SEZ6L: variants seen among roughly 807,000 people sequenced by gnomAD.
The protein encoded by SEZ6L is seizure related 6 homolog like.
A neutral mutation model predicts 106.2 loss-of-function variants in SEZ6L; 37 were observed. That is an observed-to-expected ratio of 0.35 (90% CI 0.27 to 0.46). The LOEUF is 0.46. SEZ6L is among the 20% of genes least tolerant of loss of function. SEZ6L has a pLI of 1.00. For synonymous variants in SEZ6L, 541 were observed against 570.4 expected (o/e 0.95, Z 0.73); for missense variants, 1,172 against 1,332.8 (o/e 0.88, Z 1.88).
At chr22:26,268,955 C>G (rs1227014971) in intron 1 of SEZ6L, among the ~76,000 whole-genome samples, 1 of 152,196 alleles carries the variant, frequency 6.6e-6, no homozygotes, top group African/African-American at 2.4e-5. Flanking sequence ...TCTCTCTGAG[C>G]CTCAATTCTT....
At chr22:26,294,093 T>C (rs2081223352) in intron 2 of SEZ6L, among the ~76,000 whole-genome samples, 199 bp from the exon 3 acceptor site, 1 of 152,184 alleles carries the variant, frequency 6.6e-6, no homozygotes, top group African/African-American at 2.4e-5. Context: ...CCTAGCAGGA[T>C]ATAGTAAGTG....
intron 1 of SEZ6L, among the ~76,000 whole-genome samples, chr22:26,189,711 G>A (rs933603309): frequency 2.6e-5 from 4 of 152,092 alleles, no homozygotes; most frequent in African/African-American, 7.2e-5. Context: ...TTGAGCATCC[G>A]TGGATCTTGG....
At chr22:26,340,799 C>T (rs918295043) in intron 10 of SEZ6L, among the ~76,000 whole-genome samples, 167 bp downstream of exon 10, 6 of 152,178 alleles carry the variant, frequency 3.9e-5, no homozygotes, top group Non-Finnish European at 8.8e-5. Flanking sequence ...GTCATGAGGA[C>T]CAGGGTTTGA....
chr22:26,365,271 A>G, intron 12 of SEZ6L, 101 bp from the exon 13 acceptor site: 2 of 938,982 alleles, frequency 2.1e-6, no homozygotes. Flanking sequence ...CAGAGAGAGG[A>G]TGCTGGAGAG....
intron 1 of SEZ6L, among the ~76,000 whole-genome samples, chr22:26,190,630 G>C (rs1444308968): frequency 6.6e-6 from 1 of 152,124 alleles, no homozygotes; most frequent in Non-Finnish European, 1.5e-5. Flanking sequence ...CTTGGTTCAT[G>C]TGCTCATCTT....
intron 1 of SEZ6L, among the ~76,000 whole-genome samples, chr22:26,286,690 G>A (rs1440482510): frequency 6.6e-6 from 1 of 151,254 alleles, no homozygotes; most frequent in African/African-American, 2.4e-5. Flanking sequence ...CCTCTCCCAG[G>A]CATTCTGCTG....
chr22:26,232,858 C>T (rs534110359), intron 1 of SEZ6L, among the ~76,000 whole-genome samples: 12 of 152,220 alleles, frequency 7.9e-5, no homozygotes, highest in East Asian at 1.9e-4. Flanking sequence ...ATCTGTAAAA[C>T]AGGGAGGAAC....
rs1273393682 is a variant in SEZ6L at position 26,253,854 on chromosome 22, G to A, written c.95-38552G>A. On this transcript the variant is annotated intron_variant, in intron 1 of 16. Transcript: ENST00000248933. Reference sequence around the variant, plus strand: ...ATCTTAAAAGGCTCCTGGGACAGGTGATAATGAGGAAAAAAGATTTTATAA... The same window carrying A: ...ATCTTAAAAGGCTCCTGGGACAGGTAATAATGAGGAAAAAAGATTTTATAA... The A allele has an allele frequency of 3.9e-5, 6 of 152,194 alleles. No individual in the cohort carries two copies. The East Asian group carries it at 9.6e-4, about 24-fold the overall frequency. 9.4% of individuals were successfully genotyped at this position (152,194 alleles called of 1,614,324 possible).
In SEZ6L at chr22:26,376,206, G is replaced by GAA. The variant is rs35615266; in HGVS notation, c.2942+527_2942+528dup. 1.5e-3 allele frequency among the ~76,000 whole-genome samples: 224 copies of GAA among 149,150 alleles called. 2 individuals are homozygous for GAA. In the East Asian group the frequency reaches 0.019, roughly 13 times the overall value. ...CTCGGTTCCAGAAACATCATTTGTG[G>GAA]AAAAAAAAAAATAGAAGGAAATATT... is the stretch of plus-strand genomic sequence containing the variant. On this transcript the variant is annotated intron_variant, in intron 15 of 16. Coordinates refer to ENST00000248933, the MANE Select transcript of SEZ6L (RefSeq NM_021115.5).
At chr22:26,201,796 A>G (rs1347862957) in intron 1 of SEZ6L, among the ~76,000 whole-genome samples, 1 of 152,198 alleles carries the variant, frequency 6.6e-6, no homozygotes, top group East Asian at 1.9e-4. Flanking sequence ...ATACCTCCAA[A>G]AACATTTTCA....
At chr22:26,309,878 A>G (rs1166614458) in intron 6 of SEZ6L, among the ~76,000 whole-genome samples, 1 of 151,924 alleles carries the variant, frequency 6.6e-6, no homozygotes, top group Non-Finnish European at 1.5e-5. Context: ...CATGCCCCAC[A>G]CTCTGATATA....
chr22:26,205,761 G>C (rs1300716401), intron 1 of SEZ6L, among the ~76,000 whole-genome samples: 1 of 151,976 alleles, frequency 6.6e-6, no homozygotes, highest in African/African-American at 2.4e-5. Flanking sequence ...ATTCTCCCGA[G>C]AGTCTCTTCA....
intron 10 of SEZ6L, among the ~76,000 whole-genome samples, chr22:26,345,766 A>G (rs1423735025): frequency 6.6e-6 from 1 of 152,222 alleles, no homozygotes; most frequent in African/African-American, 2.4e-5. Context: ...AAGAACTGCA[A>G]ATTAATTATA....
chr22:26,289,764 A>G (rs1157107642), intron 1 of SEZ6L, among the ~76,000 whole-genome samples: 1 of 152,234 alleles, frequency 6.6e-6, no homozygotes, highest in Non-Finnish European at 1.5e-5. Context: ...GAGCCTCTCC[A>G]ACGACTGCTG....
At chr22:26,346,400 C>G (rs543349858) in intron 10 of SEZ6L, among the ~76,000 whole-genome samples, 2 of 152,332 alleles carry the variant, frequency 1.3e-5, no homozygotes, top group African/African-American at 4.8e-5. Flanking sequence ...GCATATATTA[C>G]TTATTCACCA....
At chr22:26,318,455 C>T (rs2082067071) in intron 9 of SEZ6L, among the ~76,000 whole-genome samples, 1 of 151,684 alleles carries the variant, frequency 6.6e-6, no homozygotes, top group Non-Finnish European at 1.5e-5. Flanking sequence ...TGAGGACCAC[C>T]AGTTTGCAAC....
intron 1 of SEZ6L, among the ~76,000 whole-genome samples, chr22:26,258,735 A>G (rs1313744562): frequency 1.3e-5 from 2 of 152,158 alleles, no homozygotes; most frequent in African/African-American, 4.8e-5. Context: ...TCTATAACTG[A>G]ATTATAAAGG....
In SEZ6L at chr22:26,375,615, C is replaced by T. The variant is rs752413360; in HGVS notation, c.2868C>T (p.Asn956=). The T allele has an allele frequency of 6.2e-7, 1 of 1,614,170 alleles. No homozygotes were observed. The highest frequency in any genetic ancestry group is 8.5e-7 in the Non-Finnish European group (1 of 1,180,016). Residue 956 remains asparagine, a synonymous_variant, in exon 15 of 17, where the codon AAC becomes AAT. Transcript: ENST00000248933. The stretch of plus-strand genomic sequence containing the variant: ...CAGAGACGTCGCTGGAAGGGGGGAA[C>T]ATGGCCCTGGCTATCTTCATCCCGG... ...AAAETSLEGG[N]MALAIFIPVL...
intron 8 of SEZ6L, among the ~76,000 whole-genome samples, 155 bp from the exon 9 acceptor site, chr22:26,313,609 C>G (rs2081910739): frequency 7.2e-6 from 1 of 138,992 alleles, no homozygotes; most frequent in African/African-American, 2.8e-5. Flanking sequence ...CACACGCACA[C>G]ACACACACGT....
Sources: gnomAD v4.1 joint callset for allele counts (sites outside exome capture counted in the v4.1 genomes callset) on GRCh38, gnomAD v4.1.1 for gene constraint, MANE v1.5 for transcripts, NCBI Gene and HGNC (gene_info 2026-07-23, HGNC 2026-07-21) for gene names.